Variants in RPSA2 observed in about 807,000 individuals in gnomAD.
The protein encoded by RPSA2 is small ribosomal subunit protein uS2B.
the RPSA2 span, among the ~76,000 whole-genome samples, chr19:23,791,241 TC>T: frequency 6.6e-6 from 1 of 152,182 alleles, no homozygotes; most frequent in East Asian, 1.9e-4. Flanking sequence ...CCTCAGGTGA[TC>T]CACCCATCTC....
At chr19:23,804,638 G>C in the RPSA2 span, among the ~76,000 whole-genome samples, 1 of 152,108 alleles carries the variant, frequency 6.6e-6, no homozygotes, top group African/African-American at 2.4e-5. Context: ...AGCCCAGAGA[G>C]AGCGACATCA....
the RPSA2 span, among the ~76,000 whole-genome samples, chr19:23,820,697 C>CT: frequency 1.3e-5 from 2 of 151,452 alleles, no homozygotes; most frequent in Non-Finnish European, 2.9e-5. Flanking sequence ...TAAAACTCCT[C>CT]CTTATATATA....
At chr19:23,867,945 T>C in the RPSA2 span, among the ~76,000 whole-genome samples, 2 of 151,790 alleles carry the variant, frequency 1.3e-5, no homozygotes, top group Non-Finnish European at 2.9e-5. Flanking sequence ...CCTGTGTGGG[T>C]GGATCAATGG....
the RPSA2 span, among the ~76,000 whole-genome samples, chr19:23,778,746 T>C: frequency 6.6e-6 from 1 of 152,130 alleles, no homozygotes; most frequent in South Asian, 2.1e-4. Context: ...CTCTTCTTCT[T>C]GGGAACTGTC....
chr19:23,843,734 A>G, the RPSA2 span, among the ~76,000 whole-genome samples: 1 of 151,986 alleles, frequency 6.6e-6, no homozygotes, highest in Non-Finnish European at 1.5e-5. Flanking sequence ...TTATTTATCT[A>G]TATTGTCTTG....
chr19:23,862,742 AAAACTT>A, the RPSA2 span, among the ~76,000 whole-genome samples: 1 of 140,150 alleles, frequency 7.1e-6, no homozygotes, highest in East Asian at 2.1e-4. Context: ...CATGTACCCT[AAAACTT>A]AAAGTATAAG....
chr19:23,834,117 A>G, the RPSA2 span, among the ~76,000 whole-genome samples: 2 of 152,236 alleles, frequency 1.3e-5, no homozygotes, highest in East Asian at 3.9e-4. Context: ...CTCAATGTTT[A>G]GACACTACTG....
the RPSA2 span, among the ~76,000 whole-genome samples, chr19:23,822,310 G>A: frequency 6.6e-6 from 1 of 152,170 alleles, no homozygotes; most frequent in Non-Finnish European, 1.5e-5. Flanking sequence ...GCATATGCCT[G>A]GACATTAAGG....
chr19:23,776,879 T>C, the RPSA2 span, among the ~76,000 whole-genome samples: 1 of 152,132 alleles, frequency 6.6e-6, no homozygotes, highest in African/African-American at 2.4e-5. Flanking sequence ...TCATCAGATG[T>C]TTGATGTTAT....
the RPSA2 span, among the ~76,000 whole-genome samples, chr19:23,838,851 T>A: frequency 6.6e-6 from 1 of 152,210 alleles, no homozygotes; most frequent in African/African-American, 2.4e-5. Flanking sequence ...TTGATCAATT[T>A]TGCTAATGAT....
the RPSA2 span, among the ~76,000 whole-genome samples, chr19:23,822,083 A>C: frequency 3.3e-5 from 5 of 152,172 alleles, no homozygotes; most frequent in Non-Finnish European, 5.9e-5. Context: ...GGTCAAATGG[A>C]GTGTAAAACT....
At chr19:23,828,493 A>C in the RPSA2 span, among the ~76,000 whole-genome samples, 1 of 132,934 alleles carries the variant, frequency 7.5e-6, no homozygotes. Flanking sequence ...TAAGTATTTC[A>C]ACCTTTGTGT....
the RPSA2 span, among the ~76,000 whole-genome samples, chr19:23,848,248 C>T: frequency 2.7e-3 from 408 of 152,262 alleles, no homozygotes; most frequent in Non-Finnish European, 4.7e-3. Flanking sequence ...TGGCTCCAGC[C>T]GGTCCCTCCG....
the RPSA2 span, among the ~76,000 whole-genome samples, chr19:23,766,537 C>T: frequency 1.3e-5 from 2 of 149,938 alleles, no homozygotes; most frequent in East Asian, 4.0e-4. Flanking sequence ...TCACTGCAAG[C>T]TCCGCCTCCC....
chr19:23,836,583 G>A, the RPSA2 span, among the ~76,000 whole-genome samples: 1 of 152,152 alleles, frequency 6.6e-6, no homozygotes, highest in Non-Finnish European at 1.5e-5. Flanking sequence ...AGTTCTTTAA[G>A]GAATTTCCAC....
the RPSA2 span, among the ~76,000 whole-genome samples, chr19:23,843,862 C>T: frequency 1.3e-5 from 2 of 152,126 alleles, no homozygotes; most frequent in African/African-American, 2.4e-5. Context: ...TGGGTTCAAG[C>T]GATTCTCCCG....
At chr19:23,870,552 C>G in the RPSA2 span, among the ~76,000 whole-genome samples, 2 of 152,106 alleles carry the variant, frequency 1.3e-5, no homozygotes, top group African/African-American at 4.8e-5. Context: ...TTTAAATAAG[C>G]AAACTCAAGA....
chr19:23,758,696 C>T, the RPSA2 span: 25 of 1,613,992 alleles, frequency 1.5e-5, no homozygotes, highest in Non-Finnish European at 1.9e-5. Context: ...AGGTCTGAGT[C>T]CCGCCACAGC....
At chr19:23,851,499 G>T in the RPSA2 span, among the ~76,000 whole-genome samples, 1 of 152,196 alleles carries the variant, frequency 6.6e-6, no homozygotes, top group African/African-American at 2.4e-5. Flanking sequence ...TGAACCACCT[G>T]TTGTAACCTT....
Sources: allele counts gnomAD v4.1 joint callset (sites outside exome capture counted in the v4.1 genomes callset), GRCh38; gene constraint gnomAD v4.1.1; transcripts MANE v1.5; gene names NCBI Gene and HGNC (gene_info 2026-07-23, HGNC 2026-07-21).